The following SPMIP6 variants were observed in gnomAD, a reference collection of about 807,000 sequenced individuals.
The protein encoded by SPMIP6 is sperm microtubule inner protein 6, also known as ciliated bronchial epithelial protein 1.
the SPMIP6 span, among the ~76,000 whole-genome samples, chr9:34,386,172 C>G: frequency 6.6e-6 from 1 of 152,154 alleles, no homozygotes; most frequent in Admixed American, 6.5e-5. Context: ...GCATCAGGCC[C>G]CAGTCTCAGA....
At chr9:34,384,479 A>G in the SPMIP6 span, among the ~76,000 whole-genome samples, 9 of 152,204 alleles carry the variant, frequency 5.9e-5, no homozygotes, top group Admixed American at 5.9e-4. Context: ...AACATCAACA[A>G]CAAAACGAGT....
chr9:34,396,172 T>C, the SPMIP6 span, among the ~76,000 whole-genome samples: 1 of 152,162 alleles, frequency 6.6e-6, no homozygotes, highest in African/African-American at 2.4e-5. Context: ...TAATAAACAA[T>C]ATTTGCTTCC....
At chr9:34,381,262 G>C in the SPMIP6 span, 1 of 1,591,392 alleles carries the variant, frequency 6.3e-7, no homozygotes, top group Non-Finnish European at 8.6e-7. This position sits in a 1 kb window ranked among gnomAD's most constrained non-coding sequence, Gnocchi z 4.4. Context: ...ACCCTCTCCA[G>C]GACCCTCGGC....
the SPMIP6 span, among the ~76,000 whole-genome samples, chr9:34,380,302 C>T: frequency 6.6e-6 from 1 of 152,192 alleles, no homozygotes; most frequent in African/African-American, 2.4e-5. Context: ...GCTCGGGCCT[C>T]AGTTTTCTTA....
the SPMIP6 span, among the ~76,000 whole-genome samples, chr9:34,387,666 C>T: frequency 6.6e-6 from 1 of 152,162 alleles, no homozygotes; most frequent in South Asian, 2.1e-4. Context: ...TCATAGACAT[C>T]GTCAATTTTT....
At chr9:34,396,289 G>A in the SPMIP6 span, among the ~76,000 whole-genome samples, 10 of 152,026 alleles carry the variant, frequency 6.6e-5, no homozygotes, top group Admixed American at 1.3e-4. Context: ...TACATTCAGC[G>A]TATATTTATT....
At chr9:34,397,447 C>T in the SPMIP6 span, 2 of 1,584,396 alleles carry the variant, frequency 1.3e-6, no homozygotes, top group Non-Finnish European at 1.7e-6. Context: ...TGCCAGGCAT[C>T]CAGACTGGCC....
chr9:34,389,265 T>A, the SPMIP6 span, among the ~76,000 whole-genome samples: 84 of 152,282 alleles, frequency 5.5e-4, 1 homozygote, highest in Admixed American at 5.4e-3. Context: ...AACCTCTTCT[T>A]GTGTGGTCAG....
the SPMIP6 span, chr9:34,379,206 T>C: frequency 2.2e-6 from 3 of 1,387,792 alleles, no homozygotes; most frequent in Non-Finnish European, 3.1e-6. This position sits in a 1 kb window ranked among gnomAD's most constrained non-coding sequence, Gnocchi z 4.2. Flanking sequence ...GGGTCAGCCG[T>C]TTTGGATCCT....
At chr9:34,395,130 T>C in the SPMIP6 span, among the ~76,000 whole-genome samples, 1 of 152,158 alleles carries the variant, frequency 6.6e-6, no homozygotes, top group Admixed American at 6.5e-5. Context: ...ACCTGGCTAA[T>C]CTTTGTATTT....
chr9:34,390,874 A>C, the SPMIP6 span, among the ~76,000 whole-genome samples: 1 of 152,106 alleles, frequency 6.6e-6, no homozygotes, highest in Non-Finnish European at 1.5e-5. Context: ...CTCCTGCCTC[A>C]GACTCCCAAA....
chr9:34,397,208 C>G, the SPMIP6 span, among the ~76,000 whole-genome samples: 2 of 152,170 alleles, frequency 1.3e-5, no homozygotes, highest in Admixed American at 6.5e-5. Context: ...GTAGCCCTCC[C>G]TTTCCATTTC....
chr9:34,389,192 C>G, the SPMIP6 span, among the ~76,000 whole-genome samples: 1 of 152,094 alleles, frequency 6.6e-6, no homozygotes, highest in African/African-American at 2.4e-5. Context: ...CTGCCTTAGA[C>G]TCCCAAAGTA....
At chr9:34,381,512 C>A in the SPMIP6 span, 1 of 1,607,698 alleles carries the variant, frequency 6.2e-7, no homozygotes, top group South Asian at 1.1e-5. The surrounding 1 kb of genome is among the most constrained non-coding windows in gnomAD (Gnocchi z 4.4). Flanking sequence ...GGGGTCCTCC[C>A]AGAACACCCA....
At chr9:34,380,112 A>G in the SPMIP6 span, among the ~76,000 whole-genome samples, 1 of 152,114 alleles carries the variant, frequency 6.6e-6, no homozygotes, top group Non-Finnish European at 1.5e-5. Context: ...TATGCCCTTG[A>G]GAGGGATAAG....
chr9:34,390,809 C>CG, the SPMIP6 span, among the ~76,000 whole-genome samples: 9 of 151,672 alleles, frequency 5.9e-5, no homozygotes, highest in East Asian at 1.9e-4. Context: ...TTTGTAGAGA[C>CG]GGGGGTCTCA....
At chr9:34,384,425 G>C in the SPMIP6 span, among the ~76,000 whole-genome samples, 4 of 152,194 alleles carry the variant, frequency 2.6e-5, no homozygotes, top group African/African-American at 9.7e-5. Flanking sequence ...TCAAGAAGTA[G>C]AGTGTGGTCA....
the SPMIP6 span, among the ~76,000 whole-genome samples, chr9:34,384,320 G>C: frequency 2.6e-5 from 4 of 152,224 alleles, no homozygotes; most frequent in African/African-American, 9.6e-5. Flanking sequence ...AGCAAGGGGA[G>C]AAGAGGGTGC....
the SPMIP6 span, among the ~76,000 whole-genome samples, chr9:34,385,347 C>G: frequency 6.6e-6 from 1 of 151,876 alleles, no homozygotes; most frequent in African/African-American, 2.4e-5. Flanking sequence ...GCCTGGCCAA[C>G]ATGGTGAAAC....
Sources: allele counts gnomAD v4.1 joint callset (sites outside exome capture counted in the v4.1 genomes callset), GRCh38; gene constraint gnomAD v4.1.1; non-coding constraint Gnocchi (gnomAD v3.1); transcripts MANE v1.5; gene names NCBI Gene and HGNC (gene_info 2026-07-23, HGNC 2026-07-21).